Variants in ROBO2 observed in about 807,000 individuals in gnomAD.
ROBO2 encodes roundabout guidance receptor 2.
ROBO2 carries 53 observed loss-of-function variants against 160.8 expected under a neutral mutation model. The observed-to-expected ratio is 0.33, with a 90% CI of 0.26 to 0.41. The LOEUF is 0.41. Among genes scored for constraint, ROBO2 ranks in the 10% least tolerant of loss-of-function variants. ROBO2 has a pLI of 1.00. For missense variants in ROBO2, 1,577 were observed against 1,722.4 expected (o/e 0.92, Z 1.49); for synonymous variants, 664 against 611.7 (o/e 1.09, Z -1.26).
intron 2 of ROBO2, among the ~76,000 whole-genome samples, chr3:76,621,479 C>T (rs527570599): frequency 6.6e-6 from 1 of 152,284 alleles, no homozygotes; most frequent in Admixed American, 6.5e-5. Context: ...TCTGATGATT[C>T]CAAGTCCTTT....
chr3:77,325,995 A>G (rs1362026200), intron 2 of ROBO2, among the ~76,000 whole-genome samples: 1 of 152,152 alleles, frequency 6.6e-6, no homozygotes. Flanking sequence ...TTGAGCTGCC[A>G]TTGATTTTTT....
chr3:77,283,910 A>G (rs913781760), intron 2 of ROBO2, among the ~76,000 whole-genome samples: 2 of 152,178 alleles, frequency 1.3e-5, no homozygotes, highest in African/African-American at 4.8e-5. Context: ...ATCTAAATGC[A>G]TCTTGGATCA....
intron 23 of ROBO2, 56 bp downstream of exon 24, chr3:77,622,488 C>A: frequency 7.3e-7 from 1 of 1,378,762 alleles, no homozygotes; most frequent in South Asian, 1.2e-5. Flanking sequence ...TAAAATGCAT[C>A]AAAAGTCAAC....
At chr3:76,462,830 T>C (rs897110317) in intron 2 of ROBO2, among the ~76,000 whole-genome samples, 6 of 152,174 alleles carry the variant, frequency 3.9e-5, no homozygotes, top group African/African-American at 1.4e-4. Flanking sequence ...TAAATTTTCT[T>C]CTGAAGAAAG....
intron 2 of ROBO2, among the ~76,000 whole-genome samples, chr3:76,316,306 G>A (rs2072021831): frequency 6.6e-6 from 1 of 152,128 alleles, no homozygotes; most frequent in African/African-American, 2.4e-5. Flanking sequence ...CACTGCAAGA[G>A]CGACGATTTA....
intron 2 of ROBO2, among the ~76,000 whole-genome samples, chr3:77,313,266 AT>A (rs2063702607): frequency 6.6e-6 from 1 of 152,178 alleles, no homozygotes; most frequent in Non-Finnish European, 1.5e-5. Flanking sequence ...AATTGTACAT[AT>A]TTGTGAGGTA....
intron 2 of ROBO2, among the ~76,000 whole-genome samples, chr3:76,141,060 C>CATATATATATATATATATAGATAT (rs55691222): frequency 1.9e-5 from 1 of 53,578 alleles, no homozygotes; most frequent in Non-Finnish European, 3.5e-5. Context: ...TTTTTACATA[C>CATATATATATATATATATAGATAT]ATATATATAT....
chr3:77,156,658 A>G (rs1407432361), intron 2 of ROBO2, among the ~76,000 whole-genome samples: 1 of 151,736 alleles, frequency 6.6e-6, no homozygotes, highest in Non-Finnish European at 1.5e-5. Flanking sequence ...TTACTTTAGT[A>G]AAATAGTAAA....
At chr3:76,323,669 A>G (rs912439014) in intron 2 of ROBO2, among the ~76,000 whole-genome samples, 5 of 152,258 alleles carry the variant, frequency 3.3e-5, no homozygotes, top group Non-Finnish European at 7.3e-5. Context: ...TGAATGAGCC[A>G]GGTCCAAAAC....
At chr3:77,246,639 C>T (rs1398163430) in intron 2 of ROBO2, among the ~76,000 whole-genome samples, 2 of 152,152 alleles carry the variant, frequency 1.3e-5, no homozygotes, top group Non-Finnish European at 2.9e-5. Context: ...CAGAAAAAGT[C>T]AACTGCATTT....
intron 2 of ROBO2, among the ~76,000 whole-genome samples, chr3:76,786,411 A>C (rs565536098): frequency 1.3e-5 from 2 of 151,494 alleles, no homozygotes; most frequent in East Asian, 3.9e-4. Context: ...GGTCTCAGGA[A>C]ACTTACAGTG....
intron 2 of ROBO2, among the ~76,000 whole-genome samples, chr3:76,753,721 G>A (rs1258158739): frequency 1.3e-5 from 2 of 151,832 alleles, no homozygotes; most frequent in African/African-American, 4.8e-5. Context: ...AATATTTTCT[G>A]TTCTAATATT....
intron 2 of ROBO2, among the ~76,000 whole-genome samples, chr3:77,336,236 G>T (rs909956541): frequency 6.6e-6 from 1 of 152,164 alleles, no homozygotes; most frequent in Non-Finnish European, 1.5e-5. Flanking sequence ...TGGGTGCATG[G>T]TGTACAGAGT....
chr3:76,860,032 G>T (rs906759704), intron 2 of ROBO2, among the ~76,000 whole-genome samples: 1 of 152,104 alleles, frequency 6.6e-6, no homozygotes, highest in African/African-American at 2.4e-5. Context: ...CTACCTTTGT[G>T]TCATTATTTG....
At chr3:76,096,163 G>A (rs997719459) in intron 2 of ROBO2, among the ~76,000 whole-genome samples, 1 of 151,964 alleles carries the variant, frequency 6.6e-6, no homozygotes, top group Non-Finnish European at 1.5e-5. Context: ...TGTGATTCTG[G>A]GCCATCTTCC....
intron 2 of ROBO2, among the ~76,000 whole-genome samples, chr3:76,479,603 T>C (rs2079105770): frequency 6.6e-6 from 1 of 152,174 alleles, no homozygotes; most frequent in Non-Finnish European, 1.5e-5. Context: ...AAAGCAAACA[T>C]TTATAGAGTA....
chr3:76,831,876 T>C lies in ROBO2; in HGVS notation c.110-266138T>C, dbSNP rs1283763579. Among the ~76,000 whole-genome samples the C allele has an allele frequency of 2.6e-5, 4 of 152,314 alleles. No individual in the cohort carries two copies. The East Asian group carries it at 7.7e-4, about 29-fold the overall frequency. ...GTGGGTCAACTTGGAATCAGCTTTG[T>C]GGCCAGGGGGAAGATATGTCCTGAC... is the stretch of plus-strand genomic sequence containing the variant. On this transcript the variant is annotated intron_variant, in intron 2 of 26. Transcript: ENST00000487694.
At chr3:76,307,122 G>C (rs2071369429) in intron 2 of ROBO2, among the ~76,000 whole-genome samples, 1 of 152,174 alleles carries the variant, frequency 6.6e-6, no homozygotes, top group African/African-American at 2.4e-5. Flanking sequence ...CTGCCTTCCT[G>C]GCAGTTCCTG....
At chr3:76,406,772 T>C (rs1228668766) in intron 2 of ROBO2, among the ~76,000 whole-genome samples, 20 of 151,978 alleles carry the variant, frequency 1.3e-4, no homozygotes. Flanking sequence ...GAAAGCTGAA[T>C]CATCTTCTCT....
Sources: gnomAD v4.1 joint callset for allele counts (sites outside exome capture counted in the v4.1 genomes callset) on GRCh38, gnomAD v4.1.1 for gene constraint, MANE v1.5 for transcripts, NCBI Gene and HGNC (gene_info 2026-07-23, HGNC 2026-07-21) for gene names.